OSBP: variants seen among roughly 807,000 people sequenced by gnomAD.
OSBP encodes oxysterol-binding protein 1.
Under a neutral mutation model 96.6 loss-of-function variants are expected in OSBP, and 32 were observed. The observed-to-expected ratio is 0.33, with a 90% CI of 0.25 to 0.45. The LOEUF (loss-of-function observed/expected upper bound fraction) is 0.45. Ranked by LOEUF, OSBP falls within the 20% of genes least tolerant of loss-of-function variation. The pLI, the probability that OSBP is intolerant of heterozygous loss-of-function variation, is 1.00. For missense variants in OSBP, 653 were observed against 1,029.7 expected, an observed-to-expected ratio of 0.63 and a Z score of 5.01; for synonymous variants, 369 against 389.6, an observed-to-expected ratio of 0.95 and a Z score of 0.62.
rs181105995 is a variant in OSBP at position 59,584,647 on chromosome 11, T to A, written c.1679-3093A>T. On this transcript the variant is annotated intron_variant, in intron 9 of 13. Transcript: ENST00000263847. ...GAAATACAAGGAAAATACCTCACCA[T>A]AATAAAAGCCACATATGAAAACCCC... 2.6e-5 allele frequency among the ~76,000 whole-genome samples: 4 copies of A among 152,226 alleles called. No individual in the cohort carries two copies. The East Asian group carries it at 5.8e-4, about 22-fold the overall frequency.
chr11:59,594,854 T>G (rs892155404), intron 7 of OSBP, among the ~76,000 whole-genome samples: 5 of 152,172 alleles, frequency 3.3e-5, no homozygotes, highest in Admixed American at 1.3e-4. Flanking sequence ...GGGCTGTGCA[T>G]GCTCTTACCT....
chr11:59,583,982 G>C (rs904645381), intron 9 of OSBP, among the ~76,000 whole-genome samples: 2 of 116,208 alleles, frequency 1.7e-5, no homozygotes, highest in Admixed American at 1.1e-4. Flanking sequence ...ATCTCACTTT[G>C]TCGCCCAGAC....
chr11:59,602,265 AC>A (rs1447060002), intron 3 of OSBP, among the ~76,000 whole-genome samples: 11 of 152,100 alleles, frequency 7.2e-5, no homozygotes, highest in South Asian at 2.1e-4. Flanking sequence ...AGGACTTCAG[AC>A]ACTGAGAACA....
At chr11:59,605,524 T>A (rs1860771651) in intron 3 of OSBP, among the ~76,000 whole-genome samples, 1 of 152,046 alleles carries the variant, frequency 6.6e-6, no homozygotes. Flanking sequence ...GTGATTCTCA[T>A]GCCTCAGTCA....
At chr11:59,580,002 G>A (rs554743930) in intron 11 of OSBP, among the ~76,000 whole-genome samples, 172 bp downstream of exon 11, 83 of 152,116 alleles carry the variant, frequency 5.5e-4, no homozygotes, top group South Asian at 5.2e-3. Flanking sequence ...GTGAGCCACC[G>A]CGCCCAGCCT....
rs1027216304 is a variant in OSBP, at chr11:59,608,542, A to G, written c.764T>C (p.Ile255Thr). 36 of 1,613,716 alleles carry G rather than the reference A, an allele frequency of 2.2e-5. No homozygotes were observed. Among genetic ancestry groups the G allele is most frequent in the Non-Finnish European group, 2.9e-5 (34 of 1,179,930 alleles). ...TGTGGCTCGTTCGTTGACCTGTTTG[A>G]TCTTTTCATTGCTCTCAGCAGGCAA... ...LKLPAESNEK[I>T]KQVNERATLF... Residue 255 changes from isoleucine (I) to threonine (T), a missense_variant, in exon 3 of 14, where the codon ATC becomes ACC. Coordinates refer to ENST00000263847, the MANE Select transcript of OSBP (RefSeq NM_002556.3).
At chr11:59,612,284 G>A (rs1173226786) in intron 1 of OSBP, among the ~76,000 whole-genome samples, 1 of 152,138 alleles carries the variant, frequency 6.6e-6, no homozygotes, top group Non-Finnish European at 1.5e-5. Context: ...ACTGTAACAT[G>A]AATCCGTTTT....
intron 7 of OSBP, among the ~76,000 whole-genome samples, chr11:59,596,871 C>T (rs1178929903): frequency 6.6e-6 from 1 of 152,122 alleles, no homozygotes; most frequent in Non-Finnish European, 1.5e-5. Flanking sequence ...AGCCAGACTC[C>T]AGTAGCCACG....
intron 9 of OSBP, among the ~76,000 whole-genome samples, chr11:59,585,448 G>A (rs1339383996): frequency 4.0e-5 from 6 of 150,408 alleles, no homozygotes; most frequent in South Asian, 2.1e-4. Context: ...CAGCCGCCCC[G>A]TCTGAGAAGT....
intron 9 of OSBP, among the ~76,000 whole-genome samples, chr11:59,590,917 C>G (rs1348193349): frequency 6.6e-6 from 1 of 152,160 alleles, no homozygotes; most frequent in African/African-American, 2.4e-5. Flanking sequence ...ATTCAGCTTC[C>G]TATCACAAAG....
chr11:59,603,043 G>A (rs760115282), intron 3 of OSBP, among the ~76,000 whole-genome samples: 1 of 152,148 alleles, frequency 6.6e-6, no homozygotes, highest in Non-Finnish European at 1.5e-5. Context: ...TATGGCAAAT[G>A]CTACTTTGTG....
intron 1 of OSBP, among the ~76,000 whole-genome samples, chr11:59,613,436 T>C (rs1426603215): frequency 6.6e-6 from 1 of 152,180 alleles, no homozygotes; most frequent in Non-Finnish European, 1.5e-5. Flanking sequence ...GATCAAAGAA[T>C]CAACTGGCCT....
chr11:59,615,158 C>G (rs1860906850), intron 1 of OSBP, 145 bp downstream of exon 1: 3 of 620,392 alleles, frequency 4.8e-6, no homozygotes, highest in Non-Finnish European at 8.2e-6. Flanking sequence ...TGGGCTCCGA[C>G]CCCTGGGCTG....
chr11:59,614,957 C>T (rs980934304), intron 1 of OSBP, among the ~76,000 whole-genome samples: 1 of 152,236 alleles, frequency 6.6e-6, no homozygotes, highest in Non-Finnish European at 1.5e-5. Flanking sequence ...CCCTTAGTAC[C>T]TACACCAGTG....
At chr11:59,607,269 C>T (rs2134674693) in intron 3 of OSBP, among the ~76,000 whole-genome samples, 1 of 152,186 alleles carries the variant, frequency 6.6e-6, no homozygotes, top group East Asian at 1.9e-4. Flanking sequence ...GACTGGAAAA[C>T]CAGGCACACA....
At chr11:59,600,997 G>T (rs1192054508) in intron 5 of OSBP, 124 bp from the exon 6 acceptor site, 4 of 787,346 alleles carry the variant, frequency 5.1e-6, no homozygotes, top group Non-Finnish European at 8.5e-6. Context: ...GTGATCAAAT[G>T]ACGACATTTA....
At chr11:59,592,997 C>T (rs1404784448) in intron 9 of OSBP, among the ~76,000 whole-genome samples, 1 of 152,066 alleles carries the variant, frequency 6.6e-6, no homozygotes, top group Non-Finnish European at 1.5e-5. Flanking sequence ...AGGGTTTCAC[C>T]ATGTTGCCCA....
intron 1 of OSBP, among the ~76,000 whole-genome samples, chr11:59,613,640 G>A (rs1484872470): frequency 6.6e-6 from 1 of 152,142 alleles, no homozygotes; most frequent in African/African-American, 2.4e-5. Context: ...AGAAAAATCT[G>A]GGGAAATTAA....
intron 12 of OSBP, among the ~76,000 whole-genome samples, chr11:59,577,449 A>G (rs1243094791): frequency 6.6e-6 from 1 of 152,076 alleles, no homozygotes; most frequent in Non-Finnish European, 1.5e-5. Context: ...AGTCCTGTAC[A>G]TTGTCTCAGG....
Sources: gnomAD v4.1 joint callset for allele counts (sites outside exome capture counted in the v4.1 genomes callset) on GRCh38, gnomAD v4.1.1 for gene constraint, MANE v1.5 for transcripts, NCBI Gene and HGNC (gene_info 2026-07-23, HGNC 2026-07-21) for gene names.